Variants in RAB38 observed in about 807,000 individuals in gnomAD.
The protein encoded by RAB38 is ras-related protein Rab-38.
In RAB38, 15 loss-of-function variants were observed where a neutral mutation model predicts 18.4. The observed-to-expected ratio is 0.82, with a 90% CI of 0.55 to 1.26. RAB38 has a LOEUF of 1.26. Among genes scored for constraint, RAB38 ranks in the 50% most tolerant of loss-of-function variants. RAB38 has a pLI of 0.00. For missense variants in RAB38, 294 were observed against 267.4 expected (o/e 1.10, Z -0.69); for synonymous variants, 101 against 104.4 (o/e 0.97, Z 0.20).
the RAB38 span, among the ~76,000 whole-genome samples, chr11:87,936,754 T>A: frequency 6.6e-6 from 1 of 152,160 alleles, no homozygotes; most frequent in East Asian, 1.9e-4. Context: ...TTAAACCTGA[T>A]TATCAATTTG....
At chr11:88,130,862 C>T (rs1402663547) in intron 2 of RAB38, among the ~76,000 whole-genome samples, 2 of 152,086 alleles carry the variant, frequency 1.3e-5, no homozygotes, top group Admixed American at 6.5e-5. Context: ...AAGGCAGAAG[C>T]GAAACTGACA....
chr11:88,073,209 AC>A, the RAB38 span, among the ~76,000 whole-genome samples: 98 of 152,288 alleles, frequency 6.4e-4, 2 homozygotes, highest in South Asian at 7.3e-3. Context: ...ATGGCCAGAG[AC>A]AAAGTGGGGA....
At chr11:88,141,914 C>G (rs1942919973) in intron 2 of RAB38, among the ~76,000 whole-genome samples, 1 of 152,220 alleles carries the variant, frequency 6.6e-6, no homozygotes, top group Non-Finnish European at 1.5e-5. Flanking sequence ...CTACAGGTTT[C>G]CTCAAGAGCT....
At chr11:87,908,833 G>T in the RAB38 span, among the ~76,000 whole-genome samples, 4 of 151,892 alleles carry the variant, frequency 2.6e-5, no homozygotes, top group African/African-American at 9.7e-5. Context: ...TAATCTTAAG[G>T]TGGTGAGCTT....
chr11:87,862,890 C>A, the RAB38 span, among the ~76,000 whole-genome samples: 1 of 151,580 alleles, frequency 6.6e-6, no homozygotes, highest in Non-Finnish European at 1.5e-5. Context: ...ATAAATAAAG[C>A]CTTTAACTTG....
the RAB38 span, among the ~76,000 whole-genome samples, chr11:87,931,963 G>T: frequency 6.6e-6 from 1 of 151,924 alleles, no homozygotes; most frequent in Middle Eastern, 3.2e-3. Flanking sequence ...TGGTGAGGGA[G>T]AATGGCAGGC....
At chr11:88,055,779 G>A in the RAB38 span, among the ~76,000 whole-genome samples, 1 of 152,170 alleles carries the variant, frequency 6.6e-6, no homozygotes, top group African/African-American at 2.4e-5. Flanking sequence ...GATGAACAAG[G>A]CAGCAAATCT....
At chr11:88,056,412 G>A in the RAB38 span, among the ~76,000 whole-genome samples, 1 of 152,154 alleles carries the variant, frequency 6.6e-6, no homozygotes, top group Non-Finnish European at 1.5e-5. Flanking sequence ...TGGAGTAGGA[G>A]TAGGTCAAAA....
chr11:88,100,263 T>C, the RAB38 span, among the ~76,000 whole-genome samples: 2 of 151,874 alleles, frequency 1.3e-5, no homozygotes, highest in Non-Finnish European at 2.9e-5. Context: ...AATAGTACAA[T>C]ACTGACAGAT....
chr11:87,952,783 CTT>C, the RAB38 span, among the ~76,000 whole-genome samples: 1 of 152,080 alleles, frequency 6.6e-6, no homozygotes, highest in African/African-American at 2.4e-5. Context: ...GACTTTTTGT[CTT>C]TTACATGTTT....
chr11:88,027,662 G>A, the RAB38 span, among the ~76,000 whole-genome samples: 7 of 131,522 alleles, frequency 5.3e-5, no homozygotes, highest in African/African-American at 9.8e-5. Flanking sequence ...CGGCAGCGAG[G>A]CTGGGGGAGG....
At chr11:88,020,292 A>G in the RAB38 span, among the ~76,000 whole-genome samples, 4 of 152,218 alleles carry the variant, frequency 2.6e-5, no homozygotes, top group Admixed American at 2.0e-4. Flanking sequence ...AAAAAAGAGC[A>G]GAAGTAGCTC....
chr11:88,161,541 G>C (rs962878679), intron 1 of RAB38, among the ~76,000 whole-genome samples: 3 of 151,954 alleles, frequency 2.0e-5, no homozygotes, highest in Non-Finnish European at 4.4e-5. Flanking sequence ...ACCATCTTTC[G>C]ATATTGCAAA....
At chr11:87,975,018 T>C in the RAB38 span, among the ~76,000 whole-genome samples, 1 of 151,868 alleles carries the variant, frequency 6.6e-6, no homozygotes, top group African/African-American at 2.4e-5. Context: ...GGAAAAGCCG[T>C]TCTATGCCTC....
the RAB38 span, among the ~76,000 whole-genome samples, chr11:87,905,665 C>T: frequency 6.6e-6 from 1 of 151,808 alleles, no homozygotes; most frequent in Non-Finnish European, 1.5e-5. Context: ...TCAGATTTTT[C>T]CAATGGATAT....
the RAB38 span, among the ~76,000 whole-genome samples, chr11:87,850,817 T>C: frequency 1.3e-5 from 2 of 152,116 alleles, no homozygotes; most frequent in African/African-American, 4.8e-5. Flanking sequence ...AAGTTCTTTA[T>C]ATTTAATCTG....
the RAB38 span, among the ~76,000 whole-genome samples, chr11:88,054,430 G>A: frequency 3.4e-3 from 523 of 152,320 alleles, 5 homozygotes; most frequent in Non-Finnish European, 6.1e-3. Flanking sequence ...GTAACTTGGA[G>A]TATTAGTTTG....
the RAB38 span, among the ~76,000 whole-genome samples, chr11:87,947,417 C>T: frequency 1.1e-4 from 16 of 152,164 alleles, no homozygotes; most frequent in Non-Finnish European, 2.1e-4. Context: ...TCAATTTTGG[C>T]TTTGGTTGCC....
intron 1 of RAB38, among the ~76,000 whole-genome samples, chr11:88,151,864 A>G (rs1285644577): frequency 6.6e-6 from 1 of 152,162 alleles, no homozygotes; most frequent in Non-Finnish European, 1.5e-5. Context: ...TGTGTGCACA[A>G]GCAAGTATCA....
Sources: gnomAD v4.1 joint callset for allele counts (sites outside exome capture counted in the v4.1 genomes callset) on GRCh38, gnomAD v4.1.1 for gene constraint, MANE v1.5 for transcripts, NCBI Gene and HGNC (gene_info 2026-07-23, HGNC 2026-07-21) for gene names.